GPC3: variants seen among roughly 807,000 people sequenced by gnomAD.
The protein encoded by GPC3 is glypican 3.
In GPC3, 3 loss-of-function variants were observed where a neutral mutation model predicts 34.4. That is an observed-to-expected ratio of 0.09 (90% CI 0.04 to 0.23). The LOEUF (loss-of-function observed/expected upper bound fraction) is 0.23, where lower values mean the gene tolerates loss of function less well. Ranked by LOEUF, GPC3 falls within the 10% of genes least tolerant of loss-of-function variation. GPC3 has a pLI of 1.00. For missense variants in GPC3, 351 were observed against 445.6 expected (o/e 0.79, Z 1.91); for synonymous variants, 177 against 174.0 (o/e 1.02, Z -0.13).
intron 1 of GPC3, among the ~76,000 whole-genome samples, chrX:133,984,544 C>A: frequency 8.9e-6 from 1 of 111,798 alleles, no homozygotes; most frequent in Non-Finnish European, 1.9e-5. Flanking sequence ...TAGGATCCAG[C>A]CTGTCAAGAA....
At chrX:133,636,560 G>A (rs979552412) in intron 6 of GPC3, among the ~76,000 whole-genome samples, 3 of 112,087 alleles carry the variant, frequency 2.7e-5, no homozygotes, top group African/African-American at 6.5e-5. Flanking sequence ...CCAGGTATTC[G>A]GGAGACTGAG....
chrX:133,681,783 T>C (rs2043265594), intron 5 of GPC3, among the ~76,000 whole-genome samples: 1 of 112,297 alleles, frequency 8.9e-6, no homozygotes, highest in Non-Finnish European at 1.9e-5. Flanking sequence ...CTTTCACTGA[T>C]GCTCAGTGAT....
chrX:133,915,340 A>AT (rs199903223), intron 2 of GPC3, among the ~76,000 whole-genome samples: 1,456 of 109,670 alleles, frequency 0.013, 22 homozygotes, highest in African/African-American at 0.047. Context: ...CGCCTGGCTA[A>AT]TTTTTTGTAT....
chrX:133,546,509 G>T (rs905892318), intron 7 of GPC3, among the ~76,000 whole-genome samples: 1 of 110,894 alleles, frequency 9.0e-6, no homozygotes, highest in Admixed American at 9.7e-5. Context: ...TAAACAAATA[G>T]AGAGAGAGAG....
chrX:133,662,131 T>C (rs1390139748), intron 5 of GPC3, among the ~76,000 whole-genome samples: 2 of 111,176 alleles, frequency 1.8e-5, no homozygotes, highest in African/African-American at 3.3e-5. Context: ...CTCAGTCCAG[T>C]GGGGAGTCTA....
At chrX:133,589,087 G>T (rs1410251865) in intron 7 of GPC3, among the ~76,000 whole-genome samples, 1 of 111,628 alleles carries the variant, frequency 9.0e-6, no homozygotes, top group Non-Finnish European at 1.9e-5. Flanking sequence ...TTTTCTCTTT[G>T]CAGTCCCCAC....
chrX:133,626,660 A>G (rs995364851), intron 6 of GPC3, among the ~76,000 whole-genome samples: 4 of 108,539 alleles, frequency 3.7e-5, no homozygotes, highest in African/African-American at 6.7e-5. Flanking sequence ...AAATGTTAGG[A>G]AACAACAGGT....
intron 6 of GPC3, among the ~76,000 whole-genome samples, chrX:133,620,954 A>G (rs2070226141): frequency 9.0e-6 from 1 of 111,218 alleles, no homozygotes; most frequent in African/African-American, 3.3e-5. Context: ...AATACATAAA[A>G]CCAAGTTGTG....
intron 6 of GPC3, among the ~76,000 whole-genome samples, chrX:133,601,983 C>G (rs1441616877): frequency 1.8e-5 from 2 of 111,907 alleles, no homozygotes; most frequent in African/African-American, 6.5e-5. Flanking sequence ...TATTGCAGCA[C>G]TATTCACAAT....
At chrX:133,812,343 T>C (rs750284746) in intron 2 of GPC3, among the ~76,000 whole-genome samples, 9 of 112,264 alleles carry the variant, frequency 8.0e-5, no homozygotes, top group Admixed American at 7.6e-4. Context: ...CAAATTGCTG[T>C]TAATATTTAA....
chrX:133,573,201 T>C (rs756825832), intron 7 of GPC3, among the ~76,000 whole-genome samples: 1 of 111,685 alleles, frequency 9.0e-6, no homozygotes, highest in Non-Finnish European at 1.9e-5. Context: ...TTTGACAAAA[T>C]TCAGCATCCT....
intron 2 of GPC3, among the ~76,000 whole-genome samples, chrX:133,895,430 G>C (rs1187932499): frequency 9.0e-6 from 1 of 111,411 alleles, no homozygotes; most frequent in Admixed American, 9.6e-5. Context: ...CCCGTCCCAA[G>C]TTAAAGAGAT....
intron 1 of GPC3, among the ~76,000 whole-genome samples, chrX:133,961,334 T>C (rs2076440486): frequency 9.0e-6 from 1 of 111,364 alleles, no homozygotes; most frequent in African/African-American, 3.3e-5. Context: ...ACTGGGAGTT[T>C]AAAGCAACCG....
chrX:133,890,927 G>T (rs1440921941), intron 2 of GPC3, among the ~76,000 whole-genome samples: 1 of 109,415 alleles, frequency 9.1e-6, no homozygotes, highest in Non-Finnish European at 1.9e-5. Context: ...CACTTGGGAG[G>T]CTGAGATGGG....
chrX:133,582,081 A>G (rs762059277), intron 7 of GPC3, among the ~76,000 whole-genome samples: 1 of 111,605 alleles, frequency 9.0e-6, no homozygotes, highest in African/African-American at 3.3e-5. Context: ...TAAGCTACCA[A>G]TGTGACCACA....
intron 2 of GPC3, among the ~76,000 whole-genome samples, chrX:133,920,032 G>A (rs2076241359): frequency 9.2e-6 from 1 of 108,554 alleles, no homozygotes; most frequent in African/African-American, 3.4e-5. Context: ...AGGCATGGTG[G>A]CACATGCCTG....
At chrX:133,816,680 CA>C (rs947336053) in intron 2 of GPC3, among the ~76,000 whole-genome samples, 2 of 109,705 alleles carry the variant, frequency 1.8e-5, no homozygotes, top group Non-Finnish European at 3.8e-5. Flanking sequence ...TAGGAGCCAA[CA>C]AAAAAAATGG....
intron 2 of GPC3, among the ~76,000 whole-genome samples, chrX:133,942,862 A>G (rs1261420467): frequency 8.9e-6 from 1 of 111,998 alleles, no homozygotes; most frequent in Non-Finnish European, 1.9e-5. Context: ...ACCTATGATT[A>G]TTGATTTTTT....
rs923304737 is a variant in GPC3, at chrX:133,757,114, A to C, written c.338-2938T>G. Among the ~76,000 whole-genome samples the C allele has an allele frequency of 2.7e-5, 3 of 112,571 alleles. No individual in the cohort carries two copies. In the East Asian group the frequency reaches 8.3e-4, roughly 31 times the overall value. On this transcript the variant is annotated intron_variant, in intron 2 of 7. Transcript: ENST00000370818. ...GGTTATATCCAGGAAAAATTTGAAC[A>C]AACAATGTAAAATCAGAGCTATCAT...
Sources: allele counts gnomAD v4.1 joint callset (sites outside exome capture counted in the v4.1 genomes callset), GRCh38; gene constraint gnomAD v4.1.1; transcripts MANE v1.5; gene names NCBI Gene and HGNC (gene_info 2026-07-23, HGNC 2026-07-21).